The following VGLL4 variants were observed in gnomAD, a reference collection of about 807,000 sequenced individuals.
VGLL4 encodes the protein vestigial like family member 4.
Under a neutral mutation model 21.0 loss-of-function variants are expected in VGLL4, and 7 were observed. The observed-to-expected ratio is 0.33, with a 90% CI of 0.19 to 0.63. The LOEUF is 0.63. Among genes scored for constraint, VGLL4 ranks in the 20% least tolerant of loss-of-function variants. VGLL4 has a pLI of 0.78. For synonymous variants in VGLL4, 222 were observed against 173.2 expected (o/e 1.28, Z -2.21); for missense variants, 394 against 425.7 (o/e 0.93, Z 0.66).
chr3:11,615,811 TTGAA>T (rs2075150943), intron 1 of VGLL4, among the ~76,000 whole-genome samples: 1 of 152,170 alleles, frequency 6.6e-6, no homozygotes, highest in African/African-American at 2.4e-5. Flanking sequence ...ACAAAACACA[TTGAA>T]AGAAAGACAG....
At chr3:11,692,256 T>C (rs896589846) in intron 2 of VGLL4, among the ~76,000 whole-genome samples, 1 of 152,186 alleles carries the variant, frequency 6.6e-6, no homozygotes, top group Non-Finnish European at 1.5e-5. Flanking sequence ...ATTTCTAACA[T>C]TTATTATGCT....
chr3:11,710,509 T>C (rs1188237880), intron 1 of VGLL4: 1 of 152,086 alleles, frequency 6.6e-6, no homozygotes, highest in African/African-American at 2.4e-5. Context: ...ATCGGAGGAA[T>C]CACATTCAAA....
intron 2 of VGLL4, among the ~76,000 whole-genome samples, chr3:11,685,565 AGAGCTGT>A (rs1355106306): frequency 6.6e-6 from 1 of 152,236 alleles, no homozygotes; most frequent in Non-Finnish European, 1.5e-5. Flanking sequence ...TATTGTGAAC[AGAGCTGT>A]AATCAACATT....
Position 11,556,496 on chromosome 3 carries a change from G to T in VGLL4, c.*2060C>A, listed in dbSNP as rs576319889. On this transcript the variant is annotated 3_prime_UTR_variant, in exon 5 of 5. Coordinates refer to ENST00000430365, the MANE Select transcript of VGLL4 (RefSeq NM_001128219.3). ...CAGCTGTGGGTGGTTTTCCTGTTAC[G>T]ACGCTCAGTAGCCTGTAGCAATAAC... 1 of 152,592 alleles carries T rather than the reference G, an allele frequency of 6.6e-6. No individual in the cohort carries two copies. The highest frequency in any genetic ancestry group is 2.1e-4 in the South Asian group (1 of 4,812). The allele number at this position is 152,592 out of a possible 1,614,324, so 9.5% of individuals were successfully genotyped here.
intron 2 of VGLL4, among the ~76,000 whole-genome samples, chr3:11,573,941 T>C (rs1405447899): frequency 6.6e-6 from 1 of 152,112 alleles, no homozygotes; most frequent in Admixed American, 6.5e-5. Flanking sequence ...GAAATCTGGA[T>C]ACAGTGACAG....
chr3:11,604,566 T>A (rs1368600046), intron 1 of VGLL4: 1 of 927,980 alleles, frequency 1.1e-6, no homozygotes, highest in African/African-American at 1.8e-5. Context: ...GTTGTATGTG[T>A]GGTGGGGTTA....
At chr3:11,664,838 G>T (rs905913320) in intron 2 of VGLL4, among the ~76,000 whole-genome samples, 1 of 152,034 alleles carries the variant, frequency 6.6e-6, no homozygotes. Flanking sequence ...GCCTTAATAT[G>T]TATGACAAAG....
chr3:11,581,127 C>T (rs1310452047), intron 2 of VGLL4, among the ~76,000 whole-genome samples: 1 of 150,998 alleles, frequency 6.6e-6, no homozygotes. Context: ...CATGCAGTGG[C>T]ACGATCTCAG....
chr3:11,655,004 C>G (rs945254840), intron 2 of VGLL4, among the ~76,000 whole-genome samples: 5 of 152,186 alleles, frequency 3.3e-5, no homozygotes, highest in African/African-American at 1.2e-4. Flanking sequence ...TTACCTTATC[C>G]TCCTGTGGAT....
intron 2 of VGLL4, among the ~76,000 whole-genome samples, chr3:11,668,103 C>G (rs1022049092): frequency 4.0e-5 from 6 of 151,882 alleles, no homozygotes; most frequent in Non-Finnish European, 7.4e-5. Context: ...GATCTGCCTG[C>G]CTTGGCCTCC....
chr3:11,628,329 G>A (rs2075398594), intron 1 of VGLL4, among the ~76,000 whole-genome samples: 1 of 151,308 alleles, frequency 6.6e-6, no homozygotes, highest in East Asian at 2.0e-4. Flanking sequence ...CAGAGGTTGC[G>A]GTAAACCGAG....
chr3:11,686,352 CA>C (rs2076448560), intron 2 of VGLL4, among the ~76,000 whole-genome samples: 1 of 152,196 alleles, frequency 6.6e-6, no homozygotes, highest in African/African-American at 2.4e-5. Context: ...AATCCTGATA[CA>C]TGCTACAATA....
At chr3:11,577,847 T>C (rs1252966701) in intron 2 of VGLL4, among the ~76,000 whole-genome samples, 2 of 152,224 alleles carry the variant, frequency 1.3e-5, no homozygotes, top group South Asian at 4.1e-4. Context: ...TCAATGAATC[T>C]TATTTCCTCG....
In VGLL4 at chr3:11,568,185, C is replaced by T. The variant is rs1420364862; in HGVS notation, c.273-3166G>A. On this transcript the variant is annotated intron_variant, in intron 2 of 4. Transcript: ENST00000430365. This position sits in a 1 kb window ranked among gnomAD's most constrained non-coding sequence, Gnocchi z 5.9. Reference sequence around the variant, plus strand: ...ATGGAGGAGCAGACTAAAGGTCAGGCGTCTGCCCATGTCCAAAGCCAAAGT... The same window carrying T: ...ATGGAGGAGCAGACTAAAGGTCAGGTGTCTGCCCATGTCCAAAGCCAAAGT... Among the ~76,000 whole-genome samples the T allele has an allele frequency of 2.0e-5, 3 of 152,218 alleles. No individual in the cohort carries two copies. Among genetic ancestry groups the T allele is most frequent in the Admixed American group, 6.5e-5 (1 of 15,274 alleles).
chr3:11,656,542 G>A (rs989789916), intron 2 of VGLL4, among the ~76,000 whole-genome samples: 1 of 152,160 alleles, frequency 6.6e-6, no homozygotes, highest in Admixed American at 6.5e-5. Flanking sequence ...AGCCCTCAAC[G>A]TATCTGTCAA....
chr3:11,650,089 GCTAA>G (rs1161530112), intron 2 of VGLL4, among the ~76,000 whole-genome samples: 1 of 152,040 alleles, frequency 6.6e-6, no homozygotes, highest in Non-Finnish European at 1.5e-5. Flanking sequence ...ACCGTGTCTG[GCTAA>G]CTTTTTTTTT....
intron 2 of VGLL4, among the ~76,000 whole-genome samples, chr3:11,686,485 T>G (rs1359572877): frequency 6.6e-6 from 1 of 152,012 alleles, no homozygotes; most frequent in Non-Finnish European, 1.5e-5. Flanking sequence ...AGTGGAGCGG[T>G]GGTTGCCAGG....
chr3:11,601,566 T>C (rs2125266042), intron 2 of VGLL4, among the ~76,000 whole-genome samples: 1 of 152,338 alleles, frequency 6.6e-6, no homozygotes, highest in East Asian at 1.9e-4. Context: ...GCAGAAGCTC[T>C]AAGGGGACAT....
chr3:11,648,341 C>T (rs1004693133), upstream of VGLL4, among the ~76,000 whole-genome samples: 13 of 152,124 alleles, frequency 8.5e-5, no homozygotes, highest in Non-Finnish European at 4.4e-5. Flanking sequence ...CCAGATAGCA[C>T]TTTGCCTTAT....
Sources: gnomAD v4.1 joint callset for allele counts (sites outside exome capture counted in the v4.1 genomes callset) on GRCh38, gnomAD v4.1.1 for gene constraint, Gnocchi (gnomAD v3.1) non-coding constraint, MANE v1.5 for transcripts, NCBI Gene and HGNC (gene_info 2026-07-23, HGNC 2026-07-21) for gene names.